KSR2: variants seen among roughly 807,000 people sequenced by gnomAD.
The protein encoded by KSR2 is kinase suppressor of ras 2.
A neutral mutation model predicts 107.8 loss-of-function variants in KSR2; 25 were observed. That is an observed-to-expected ratio of 0.23 (90% confidence interval 0.17 to 0.32). The LOEUF is 0.32. Among genes scored for constraint, KSR2 ranks in the 10% least tolerant of loss-of-function variants. The pLI is 1.00. For missense variants in KSR2, 887 were observed against 1,268.9 expected (o/e 0.70, Z 4.57); for synonymous variants, 480 against 507.0 (o/e 0.95, Z 0.71).
chr12:117,877,925 C>A (rs577708548), intron 1 of KSR2, among the ~76,000 whole-genome samples: 1 of 152,200 alleles, frequency 6.6e-6, no homozygotes, highest in Non-Finnish European at 1.5e-5. Flanking sequence ...AGAGGCAGAG[C>A]TCAGAACCAC....
At position 117,828,069 on chromosome 12, in the gene KSR2, G is replaced by C. The variant is rs1178469224; in HGVS notation, c.472+27359C>G. Among the ~76,000 whole-genome samples, 4 of 152,248 alleles carry C rather than the reference G, an allele frequency of 2.6e-5. No homozygotes were observed. The South Asian group carries it at 8.3e-4, about 32-fold the overall frequency. On this transcript the variant is annotated intron_variant, in intron 3 of 19. Transcript: ENST00000339824. ...CTATTTCACAGACTCGAACACCAAG[G>C]AGCAGAGCAGCCCAGGGCTCTGGCT...
chr12:117,715,927 C>T (rs1380564510), intron 4 of KSR2, among the ~76,000 whole-genome samples: 1 of 152,222 alleles, frequency 6.6e-6, no homozygotes, highest in East Asian at 1.9e-4. Flanking sequence ...GCTTTCCTGC[C>T]TCAGGGCCTT....
chr12:117,816,753 A>C (rs1891385053), intron 3 of KSR2, among the ~76,000 whole-genome samples: 1 of 152,198 alleles, frequency 6.6e-6, no homozygotes. Context: ...GTTTACTAGA[A>C]GGCAGGGCAT....
At chr12:117,500,720 G>A (rs1246198997) in intron 14 of KSR2, among the ~76,000 whole-genome samples, 1 of 152,200 alleles carries the variant, frequency 6.6e-6, no homozygotes, top group East Asian at 1.9e-4. Flanking sequence ...AGAGCCCTGA[G>A]GGGGAGCTTT....
intron 3 of KSR2, among the ~76,000 whole-genome samples, chr12:117,822,003 A>C (rs1566032339): frequency 6.6e-6 from 1 of 152,208 alleles, no homozygotes; most frequent in Non-Finnish European, 1.5e-5. Flanking sequence ...AACAGGTTGC[A>C]GTAAAGAAGC....
chr12:117,725,638 A>G (rs959059054), intron 4 of KSR2, among the ~76,000 whole-genome samples: 3 of 152,206 alleles, frequency 2.0e-5, no homozygotes, highest in African/African-American at 7.2e-5. Flanking sequence ...CTTAGGACAC[A>G]AAAAGCACTA....
chr12:117,722,639 C>G (rs1437989293), intron 4 of KSR2, among the ~76,000 whole-genome samples: 1 of 152,198 alleles, frequency 6.6e-6, no homozygotes, highest in Non-Finnish European at 1.5e-5. Flanking sequence ...ATAATCCACC[C>G]CTTGTTTAGC....
chr12:117,861,405 T>C (rs1593314939), intron 1 of KSR2, among the ~76,000 whole-genome samples: 1 of 118,922 alleles, frequency 8.4e-6, no homozygotes, highest in African/African-American at 3.6e-5. Flanking sequence ...TTTTTTTTTT[T>C]TGAGATGGAG....
At chr12:117,709,300 AC>A (rs1449474328) in intron 4 of KSR2, among the ~76,000 whole-genome samples, 5 of 152,160 alleles carry the variant, frequency 3.3e-5, no homozygotes, top group Non-Finnish European at 7.4e-5. Context: ...TTCTCAGGGA[AC>A]ATGACCTGCA....
intron 14 of KSR2, among the ~76,000 whole-genome samples, chr12:117,514,864 A>G (rs1874266264): frequency 6.6e-6 from 1 of 151,698 alleles, no homozygotes; most frequent in South Asian, 2.1e-4. Flanking sequence ...CTCTAGTTTC[A>G]TATCTCTTGC....
chr12:117,665,469 C>A (rs974414716), intron 5 of KSR2, among the ~76,000 whole-genome samples: 2 of 152,090 alleles, frequency 1.3e-5, no homozygotes, highest in Non-Finnish European at 2.9e-5. Flanking sequence ...CATAGGATGG[C>A]GATGACCAAG....
intron 1 of KSR2, among the ~76,000 whole-genome samples, chr12:117,958,824 A>G (rs73406687): frequency 0.017 from 2,554 of 152,262 alleles, 73 homozygotes; most frequent in African/African-American, 0.058. Context: ...CTGTCTCAAA[A>G]TAAAGTGAGA....
chr12:117,801,649 A>C (rs1010728633), intron 3 of KSR2, among the ~76,000 whole-genome samples: 2 of 152,146 alleles, frequency 1.3e-5, no homozygotes, highest in African/African-American at 2.4e-5. Context: ...AGATCTCAAG[A>C]GAACTCACTC....
At chr12:117,922,512 T>C (rs1418959969) in intron 1 of KSR2, among the ~76,000 whole-genome samples, 1 of 152,218 alleles carries the variant, frequency 6.6e-6, no homozygotes, top group East Asian at 1.9e-4. Context: ...GGACATTTTA[T>C]ATCAGGTTGC....
At chr12:117,668,251 G>A (rs919851209) in intron 4 of KSR2, among the ~76,000 whole-genome samples, 3 of 152,166 alleles carry the variant, frequency 2.0e-5, no homozygotes, top group African/African-American at 7.2e-5. Flanking sequence ...GCCTCTTCTG[G>A]AAATGCTTCC....
At chr12:117,781,301 C>T (rs940265472) in intron 3 of KSR2, among the ~76,000 whole-genome samples, 1 of 152,126 alleles carries the variant, frequency 6.6e-6, no homozygotes, top group African/African-American at 2.4e-5. Context: ...TTATTAGCAG[C>T]GTGAGAACAG....
chr12:117,968,416 G>A lies in KSR2; in HGVS notation c.-161C>T. On this transcript the variant is annotated 5_prime_UTR_variant, in exon 1 of 20. Coordinates refer to ENST00000339824, the MANE Select transcript of KSR2 (RefSeq NM_173598.6). Reference sequence around the variant, plus strand: ...ATCTCACACAGGGTTGAGGGGGTGGGAGTGGGAGGAGGGGACAAGAGCCAA... The same window carrying A: ...ATCTCACACAGGGTTGAGGGGGTGGAAGTGGGAGGAGGGGACAAGAGCCAA... 1 of 1,326,680 alleles carries A rather than the reference G, an allele frequency of 7.5e-7. No individual in the cohort carries two copies. Among genetic ancestry groups the A allele is most frequent in the Non-Finnish European group, 9.6e-7 (1 of 1,046,122 alleles). 82.2% of individuals were successfully genotyped at this position (1,326,680 alleles called of 1,614,324 possible).
At chr12:117,894,411 T>C (rs1381239527) in intron 1 of KSR2, among the ~76,000 whole-genome samples, 1 of 152,148 alleles carries the variant, frequency 6.6e-6, no homozygotes, top group East Asian at 1.9e-4. Flanking sequence ...ATCCCTGTCA[T>C]CCCAACACTT....
At chr12:117,579,894 T>C (rs917609354) in intron 6 of KSR2, among the ~76,000 whole-genome samples, 1 of 152,068 alleles carries the variant, frequency 6.6e-6, no homozygotes, top group Admixed American at 6.5e-5. Flanking sequence ...GGAGCAGAGG[T>C]GCATTCGATT....
Sources: allele counts gnomAD v4.1 joint callset (sites outside exome capture counted in the v4.1 genomes callset), GRCh38; gene constraint gnomAD v4.1.1; transcripts MANE v1.5; gene names NCBI Gene and HGNC (gene_info 2026-07-23, HGNC 2026-07-21).